The following ABCA12 variants were observed in gnomAD, a reference collection of about 807,000 sequenced individuals.
ABCA12 encodes the protein ATP binding cassette subfamily A member 12.
Under a neutral mutation model 293.5 loss-of-function variants are expected in ABCA12, and 156 were observed. The ratio of observed to expected loss-of-function variants is 0.53; its 90% CI spans 0.47 to 0.61. The LOEUF (loss-of-function observed/expected upper bound fraction) is 0.61. ABCA12 is among the 20% of genes least tolerant of loss of function. The pLI, the probability that ABCA12 is intolerant of heterozygous loss-of-function variation, is 0.00. For synonymous variants in ABCA12, 1,063 were observed against 1,108.0 expected (o/e 0.96, Z 0.81); for missense variants, 2,797 against 3,090.2 (o/e 0.91, Z 2.25).
chr2:214,942,952 A>G lies in ABCA12; in HGVS notation c.7409T>C (p.Ile2470Thr), dbSNP rs750832130. 9.3e-6 allele frequency: 15 copies of G among 1,613,378 alleles called. No individual in the cohort carries two copies. The East Asian group carries it at 3.3e-4, about 36-fold the overall frequency. The change falls in exon 50 of 53, where the codon ATT becomes ACT. Residue 2470 changes from isoleucine (I) to threonine (T), a missense_variant. By Grantham distance (89) the Ile-to-Thr change is moderately conservative. This residue lies in a region of ABCA12 where 2,130 missense variants were observed against 2,427.0 expected (regional missense o/e 0.88). Coordinates refer to ENST00000272895, the MANE Select transcript of ABCA12 (RefSeq NM_173076.3). ...AIMVNGKFQC[I>T]GSLQHIKSRF... Reference sequence around the variant, plus strand: ...GCTCTTTATGTGCTGCAAAGATCCAATACATTGAAACTTTCCATTCACCAT... The same window carrying G: ...GCTCTTTATGTGCTGCAAAGATCCAGTACATTGAAACTTTCCATTCACCAT...
At chr2:214,973,859 TGATTCTTTGG>T in intron 36 of ABCA12, 80 bp downstream of exon 36, 1 of 1,141,058 alleles carries the variant, frequency 8.8e-7, no homozygotes. Flanking sequence ...GAACTTATAC[TGATTCTTTGG>T]TAACCTAGAG....
rs538855894 is a variant in ABCA12, at chr2:215,037,348, G to A, written c.873-283C>T. ...AAGGTTCCCATCAATTTTTTTCTAA[G>A]ACTTAGAAATAAGTAGTTAGGAAAA... On this transcript the variant is annotated intron_variant, in intron 7 of 52. Transcript: ENST00000272895. Among the ~76,000 whole-genome samples, 22 of 152,034 alleles carry A rather than the reference G, an allele frequency of 1.4e-4. 1 individual carries two copies. Among genetic ancestry groups the A allele is most frequent in the Non-Finnish European group, 2.4e-4 (16 of 68,006 alleles).
At chr2:214,949,249 G>C (rs1483482174) in intron 45 of ABCA12, 100 bp from the exon 46 acceptor site, 2 of 872,968 alleles carry the variant, frequency 2.3e-6, no homozygotes, top group Non-Finnish European at 3.8e-6. Context: ...ATAAATTACC[G>C]AGAAAAATAA....
chr2:215,020,163 A>G (rs1700595531), intron 11 of ABCA12, among the ~76,000 whole-genome samples: 1 of 152,154 alleles, frequency 6.6e-6, no homozygotes, highest in African/African-American at 2.4e-5. Flanking sequence ...TTTGTTTTAG[A>G]ACGTTTAAAA....
chr2:214,959,078 C>A lies in ABCA12; in HGVS notation c.5885G>T (p.Gly1962Val), dbSNP rs1415974617. ...NMSKYDAARHGIIMYSHPYPG... is the reference protein window; with the variant it reads ...NMSKYDAARHVIIMYSHPYPG... ...ATAAGGATGGCTATACATGATGATGCCTTAAAGACGAAACAGTTCTTCTAT... is the reference window on the plus strand; with the variant it reads ...ATAAGGATGGCTATACATGATGATGACTTAAAGACGAAACAGTTCTTCTAT... The change falls in exon 40 of 53, where the codon GGC (glycine) becomes GTC (valine). Residue 1962 changes from glycine (G) to valine (V), a missense_variant and splice_region_variant. Transcript: ENST00000272895. 6.2e-7 allele frequency: 1 copy of A among 1,613,562 alleles called. No individual in the cohort carries two copies.
At chr2:215,069,094 C>A (rs972847118) in intron 2 of ABCA12, among the ~76,000 whole-genome samples, 1 of 151,944 alleles carries the variant, frequency 6.6e-6, no homozygotes, top group Non-Finnish European at 1.5e-5. Flanking sequence ...CAGAAGACAA[C>A]CTAGTTGGTA....
intron 7 of ABCA12, among the ~76,000 whole-genome samples, chr2:215,040,975 G>A (rs1293213712): frequency 1.3e-5 from 2 of 152,024 alleles, no homozygotes; most frequent in African/African-American, 4.8e-5. Context: ...ACTAAGCCGT[G>A]CAACCTGCAG....
chr2:214,947,313 G>C, intron 48 of ABCA12, 109 bp downstream of exon 48: 1 of 1,490,798 alleles, frequency 6.7e-7, no homozygotes, highest in Non-Finnish European at 9.3e-7. Flanking sequence ...AGCACATAGT[G>C]AGACCTCAAT....
rs1006208950 is a variant in ABCA12, at chr2:215,103,777, TGTTTA to T, written c.163+7815_163+7819del. ...CACTAATCTAAGTATATCAAGTTTTTGTTTAGTTTAGTTTTGTTTTGTTTTTGCTA... is the reference window on the plus strand; with the variant it reads ...CACTAATCTAAGTATATCAAGTTTTTGTTTAGTTTTGTTTTGTTTTTGCTA... On this transcript the variant is annotated intron_variant, in intron 2 of 52. Coordinates refer to ENST00000272895, the MANE Select transcript of ABCA12 (RefSeq NM_173076.3). Among the ~76,000 whole-genome samples, 9 of 152,296 alleles carry T rather than the reference TGTTTA, an allele frequency of 5.9e-5. No homozygotes were observed. The South Asian group carries it at 1.2e-3, about 21-fold the overall frequency.
intron 36 of ABCA12, among the ~76,000 whole-genome samples, chr2:214,970,907 A>G (rs1169185131): frequency 6.6e-6 from 1 of 152,032 alleles, no homozygotes; most frequent in East Asian, 1.9e-4. Flanking sequence ...ATATATGTAT[A>G]TATGTGTGTA....
chr2:214,977,341 A>G (rs988450446), intron 33 of ABCA12, among the ~76,000 whole-genome samples: 2 of 152,196 alleles, frequency 1.3e-5, no homozygotes, highest in Non-Finnish European at 2.9e-5. Context: ...AAAGTCCTCA[A>G]TGCCATGGAG....
intron 19 of ABCA12, among the ~76,000 whole-genome samples, chr2:215,006,248 C>T (rs945598726): frequency 1.3e-5 from 2 of 151,822 alleles, no homozygotes; most frequent in Non-Finnish European, 2.9e-5. Flanking sequence ...TTTTTCTCCT[C>T]CTGGAGAAAA....
chr2:215,001,539 C>G lies in ABCA12; in HGVS notation c.2863+19G>C. 1 of 1,613,346 alleles carries G rather than the reference C, an allele frequency of 6.2e-7. No homozygotes were observed. The highest frequency in any genetic ancestry group is 8.5e-7 in the Non-Finnish European group (1 of 1,179,558). On this transcript the variant is annotated intron_variant, in intron 21 of 52. Coordinates refer to ENST00000272895, the MANE Select transcript of ABCA12 (RefSeq NM_173076.3). ...TTTAGCACAAAGAGATGCTCAAACC[C>G]TAATAGAACAGCACTTACTTCCAAA...
chr2:215,033,405 TAG>T (rs1237421940), intron 8 of ABCA12, among the ~76,000 whole-genome samples: 1 of 152,206 alleles, frequency 6.6e-6, no homozygotes, highest in Non-Finnish European at 1.5e-5. Flanking sequence ...TATGTGGTTA[TAG>T]AGTTTCTCTT....
chr2:215,084,864 CG>C (rs903483738), intron 2 of ABCA12, among the ~76,000 whole-genome samples: 2 of 151,986 alleles, frequency 1.3e-5, no homozygotes, highest in African/African-American at 4.8e-5. Flanking sequence ...GAGGCCGAGT[CG>C]GGCAGGTCAC....
intron 1 of ABCA12, among the ~76,000 whole-genome samples, chr2:215,131,400 G>A (rs945357236): frequency 1.3e-5 from 2 of 151,020 alleles, no homozygotes; most frequent in Non-Finnish European, 3.0e-5. Flanking sequence ...TTTATTATTG[G>A]TTTAATTTCA....
intron 3 of ABCA12, among the ~76,000 whole-genome samples, chr2:215,055,963 G>A (rs1363848304): frequency 7.9e-5 from 12 of 151,992 alleles, no homozygotes. Context: ...AGAAAGTTGA[G>A]TTTACTTTTC....
At chr2:215,122,441 T>C (rs972916384) in intron 1 of ABCA12, among the ~76,000 whole-genome samples, 1 of 152,220 alleles carries the variant, frequency 6.6e-6, no homozygotes, top group Non-Finnish European at 1.5e-5. Flanking sequence ...ATTGTTTTAT[T>C]CTAAAAAATA....
rs1377714943 is a variant in ABCA12 at position 215,049,726 on chromosome 2, G to A, written c.593C>T (p.Ser198Phe). 6.2e-7 allele frequency: 1 copy of A among 1,613,692 alleles called. No homozygotes were observed. The highest frequency in any genetic ancestry group is 8.5e-7 in the Non-Finnish European group (1 of 1,179,762). ...YSGYIVDDAF[S>F]WTFLGRNVFN... ...AACATTTCTTCCTAGAAAGGTCCAA[G>A]AGAAGGCATCATCCACAATGTATCC... The change falls in exon 6 of 53, where the codon TCT becomes TTT. Residue 198 changes from serine to phenylalanine, a missense_variant. Transcript: ENST00000272895.
Sources: gnomAD v4.1 joint callset for allele counts (sites outside exome capture counted in the v4.1 genomes callset) on GRCh38, gnomAD v4.1.1 for gene constraint, gnomAD v4.1.1 regional missense constraint, MANE v1.5 for transcripts, NCBI Gene and HGNC (gene_info 2026-07-23, HGNC 2026-07-21) for gene names.